The following FAT3 variants were observed in gnomAD, a reference collection of about 807,000 sequenced individuals.
FAT3 encodes the protein FAT atypical cadherin 3.
In FAT3, 95 loss-of-function variants were observed where a neutral mutation model predicts 310.2. That is an observed-to-expected ratio of 0.31 (90% confidence interval 0.26 to 0.36). The LOEUF (loss-of-function observed/expected upper bound fraction) is 0.36, where lower values mean the gene tolerates loss of function less well. FAT3 is among the 10% of genes least tolerant of loss of function. FAT3 has a pLI of 1.00. For missense variants in FAT3, 5,408 were observed against 5,715.6 expected (o/e 0.95, Z 1.74); for synonymous variants, 2,314 against 2,192.9 (o/e 1.06, Z -1.54).
rs11420322 is a variant in FAT3 at position 92,803,128 on chromosome 11, GA to G, written c.8896+1228del. On this transcript the variant is annotated intron_variant, in intron 10 of 27. Transcript: ENST00000525166. ...TTAATTCATTTGCATTTATTTTCAGGAAAAAAAAAGCTTCTTAGGCATTCTG... is the reference window on the plus strand; with the variant it reads ...TTAATTCATTTGCATTTATTTTCAGGAAAAAAAAGCTTCTTAGGCATTCTG... 5.3e-5 allele frequency among the ~76,000 whole-genome samples: 8 copies of G among 150,580 alleles called. No individual in the cohort carries two copies. In the South Asian group the frequency reaches 6.3e-4, roughly 12 times the overall value.
intron 1 of FAT3, among the ~76,000 whole-genome samples, chr11:92,269,666 T>C (rs1946069858): frequency 6.6e-6 from 1 of 152,194 alleles, no homozygotes; most frequent in Non-Finnish European, 1.5e-5. Context: ...CAAGCTTTCC[T>C]GGGCAATACA....
At chr11:92,729,039 A>G (rs1206562397) in intron 4 of FAT3, among the ~76,000 whole-genome samples, 1 of 152,200 alleles carries the variant, frequency 6.6e-6, no homozygotes, top group Admixed American at 6.5e-5. Flanking sequence ...CAGGGGTTAC[A>G]TTGTTTCTGT....
At chr11:92,873,413 A>G (rs145258892) in intron 22 of FAT3, among the ~76,000 whole-genome samples, 2 of 152,200 alleles carry the variant, frequency 1.3e-5, no homozygotes, top group Non-Finnish European at 2.9e-5. Flanking sequence ...CACATTTGTC[A>G]TTATTTCCAC....
intron 7 of FAT3, among the ~76,000 whole-genome samples, chr11:92,780,284 T>A (rs1946713550): frequency 6.6e-6 from 1 of 150,390 alleles, no homozygotes; most frequent in African/African-American, 2.4e-5. Context: ...ACCTCAAGCC[T>A]CCCAAGTAGC....
chr11:92,704,982 T>C (rs1944225889), intron 4 of FAT3, among the ~76,000 whole-genome samples: 1 of 152,172 alleles, frequency 6.6e-6, no homozygotes, highest in African/African-American at 2.4e-5. Flanking sequence ...AAGGGAGAAT[T>C]ATCCTCCAAG....
chr11:92,466,681 A>G (rs1489253352), intron 2 of FAT3, among the ~76,000 whole-genome samples: 1 of 149,650 alleles, frequency 6.7e-6, no homozygotes, highest in Non-Finnish European at 1.5e-5. Context: ...TGCTGCACCC[A>G]TTAACTCGTC....
chr11:92,866,714 G>A (rs751503276), intron 21 of FAT3, 27 bp from the exon 22 acceptor site: 3 of 1,596,594 alleles, frequency 1.9e-6, no homozygotes, highest in Admixed American at 1.7e-5. Context: ...ATGTTGAAAA[G>A]TGCTGCACTG....
rs555163212 is a variant in FAT3, at chr11:92,258,376, G to C, written c.-18+33202G>C. On this transcript the variant is annotated intron_variant, in intron 1 of 27. Transcript: ENST00000525166. ...AAGGCAAGAGCTCCAAGGGATCAAA[G>C]TGCTGTCATATTCAAACAAGGGGTC... Among the ~76,000 whole-genome samples, 15 of 152,268 alleles carry C rather than the reference G, an allele frequency of 9.9e-5. No homozygotes were observed. The South Asian group carries it at 2.7e-3, about 27-fold the overall frequency.
intron 1 of FAT3, among the ~76,000 whole-genome samples, chr11:92,269,305 C>CTG (rs1227249142): frequency 6.6e-6 from 1 of 152,086 alleles, no homozygotes; most frequent in Non-Finnish European, 1.5e-5. Context: ...CCTGACCACT[C>CTG]AGAAGTGCCC....
At chr11:92,323,585 CTTTTTTT>C (rs1206086265) in intron 1 of FAT3, among the ~76,000 whole-genome samples, 2 of 133,840 alleles carry the variant, frequency 1.5e-5, no homozygotes, top group African/African-American at 2.7e-5. Flanking sequence ...CTTTTTTTTT[CTTTTTTT>C]TTTTTTTTTC....
In FAT3 at chr11:92,883,427, G is replaced by C. The variant is rs1486671878; in HGVS notation, c.12937+34G>C. 2 of 1,566,628 alleles carry C rather than the reference G, an allele frequency of 1.3e-6. No individual in the cohort carries two copies. Among genetic ancestry groups the C allele is most frequent in the Non-Finnish European group, 1.7e-6 (2 of 1,154,688 alleles). On this transcript the variant is annotated intron_variant, in intron 24 of 27. Transcript: ENST00000525166. This position sits in a 1 kb window ranked among gnomAD's most constrained non-coding sequence, Gnocchi z 4.2. ...GAAGTGGTAATGCTCACCCCTCGGTGCTTACAGGGAACCTGCAGGGGCGCT... is the reference window on the plus strand; with the variant it reads ...GAAGTGGTAATGCTCACCCCTCGGTCCTTACAGGGAACCTGCAGGGGCGCT...
chr11:92,629,014 T>C (rs1424747889), intron 3 of FAT3, among the ~76,000 whole-genome samples: 1 of 152,256 alleles, frequency 6.6e-6, no homozygotes, highest in East Asian at 1.9e-4. Flanking sequence ...GTAGAACTTA[T>C]CTTCTGCTCT....
intron 1 of FAT3, among the ~76,000 whole-genome samples, chr11:92,339,354 G>A (rs1948178768): frequency 1.3e-5 from 2 of 152,134 alleles, no homozygotes; most frequent in Non-Finnish European, 2.9e-5. Flanking sequence ...CTAATCCTAT[G>A]TTTTCTTGGA....
At chr11:92,374,319 CACACATTAT>C (rs1362239025) in intron 2 of FAT3, among the ~76,000 whole-genome samples, 1 of 152,186 alleles carries the variant, frequency 6.6e-6, no homozygotes, top group Non-Finnish European at 1.5e-5. Flanking sequence ...TCTAACATAT[CACACATTAT>C]GCATGTTTTC....
At chr11:92,621,325 G>A (rs560037193) in intron 3 of FAT3, among the ~76,000 whole-genome samples, 2 of 152,276 alleles carry the variant, frequency 1.3e-5, no homozygotes, top group South Asian at 4.2e-4. Context: ...TATGCAGAAG[G>A]TGGGGAGAAG....
chr11:92,280,005 A>G (rs1184825578), intron 1 of FAT3, among the ~76,000 whole-genome samples: 1 of 152,174 alleles, frequency 6.6e-6, no homozygotes, highest in Non-Finnish European at 1.5e-5. Context: ...AAGTTTCTCA[A>G]GCAAATGTGT....
intron 2 of FAT3, among the ~76,000 whole-genome samples, chr11:92,456,883 A>C (rs937122884): frequency 3.3e-5 from 5 of 152,280 alleles, no homozygotes; most frequent in African/African-American, 1.2e-4. Flanking sequence ...CGCTAGGATG[A>C]GACTGCCTTA....
chr11:92,386,379 C>T (rs1187041911), intron 2 of FAT3, among the ~76,000 whole-genome samples: 2 of 152,120 alleles, frequency 1.3e-5, no homozygotes, highest in Non-Finnish European at 2.9e-5. Context: ...TACAAGACTT[C>T]AAACATAGTG....
rs9667157 is a variant in FAT3, at chr11:92,564,671, G to A, written c.3607+39723G>A. Among the ~76,000 whole-genome samples, 1,182 of 151,998 alleles carry A rather than the reference G, an allele frequency of 7.8e-3. 11 individuals carry two copies. Among genetic ancestry groups the A allele is most frequent in the African/African-American group, 0.027 (1,117 of 41,384 alleles). ...CCTCAGTAAATGTAAAAGAACAGAA[G>A]TTATAACAAACTATCTCTCAGACCA... On this transcript the variant is annotated intron_variant, in intron 3 of 27. Transcript: ENST00000525166.
Sources: allele counts gnomAD v4.1 joint callset (sites outside exome capture counted in the v4.1 genomes callset), GRCh38; gene constraint gnomAD v4.1.1; non-coding constraint Gnocchi (gnomAD v3.1); transcripts MANE v1.5; gene names NCBI Gene and HGNC (gene_info 2026-07-23, HGNC 2026-07-21).